Variants in DTNB observed in about 807,000 individuals in gnomAD.
DTNB encodes the protein dystrobrevin beta, also known as DTN-B.
Under a neutral mutation model 90.7 loss-of-function variants are expected in DTNB, and 63 were observed. The observed-to-expected ratio is 0.69, with a 90% CI of 0.57 to 0.86. The LOEUF is 0.86. Ranked by LOEUF, DTNB falls within the 40% of genes least tolerant of loss-of-function variation. The pLI, the probability that DTNB is intolerant of heterozygous loss-of-function variation, is 0.00. For missense variants in DTNB, 744 were observed against 807.1 expected, an observed-to-expected ratio of 0.92 and a Z score of 0.95; for synonymous variants, 277 against 286.7, an observed-to-expected ratio of 0.97 and a Z score of 0.34.
At chr2:25,410,932 TTC>T (rs1047031972) in intron 16 of DTNB, among the ~76,000 whole-genome samples, 10 of 148,144 alleles carry the variant, frequency 6.8e-5, no homozygotes, top group Non-Finnish European at 1.1e-4. Context: ...GAACTGCCTT[TTC>T]TTTTTTTTTT....
intron 8 of DTNB, among the ~76,000 whole-genome samples, chr2:25,572,660 GT>G (rs76776701): frequency 4.5e-4 from 62 of 138,952 alleles, no homozygotes; most frequent in South Asian, 9.3e-4. Flanking sequence ...GAGGTTTTTT[GT>G]TTTTTTTTTT....
At chr2:25,456,308 G>A (rs1313857788) in intron 10 of DTNB, among the ~76,000 whole-genome samples, 2 of 152,048 alleles carry the variant, frequency 1.3e-5, no homozygotes, top group Non-Finnish European at 2.9e-5. Flanking sequence ...CAAACCCCAG[G>A]CAATTATTTC....
rs538241650 is a variant in DTNB at position 25,479,415 on chromosome 2, A to C, written c.1079+3381T>G. ...AGGGGTATTTTAAGCCTATGTTTTAAAGCCTTGAAAAGTTTTTTCTTGTTT... is the reference window on the plus strand; with the variant it reads ...AGGGGTATTTTAAGCCTATGTTTTACAGCCTTGAAAAGTTTTTTCTTGTTT... On this transcript the variant is annotated intron_variant, in intron 10 of 20. Coordinates refer to ENST00000406818, the MANE Select transcript of DTNB (RefSeq NM_021907.5). Among the ~76,000 whole-genome samples the C allele has an allele frequency of 1.2e-3, 183 of 152,294 alleles. 1 individual carries two copies. Among genetic ancestry groups the C allele is most frequent in the African/African-American group, 4.4e-3 (182 of 41,550 alleles).
intron 10 of DTNB, among the ~76,000 whole-genome samples, chr2:25,476,103 T>C (rs1022982667): frequency 1.3e-5 from 2 of 150,608 alleles, no homozygotes; most frequent in African/African-American, 4.9e-5. Context: ...AGTTTCGCTC[T>C]TGTCACCTAG....
intron 16 of DTNB, among the ~76,000 whole-genome samples, chr2:25,395,257 G>A (rs2042096366): frequency 6.6e-6 from 1 of 152,018 alleles, no homozygotes; most frequent in Non-Finnish European, 1.5e-5. Context: ...AAGGATAAAA[G>A]ACTACACATG....
At chr2:25,416,844 G>GGAAA (rs1231826633) in intron 16 of DTNB, among the ~76,000 whole-genome samples, 2 of 151,588 alleles carry the variant, frequency 1.3e-5, no homozygotes, top group Admixed American at 6.6e-5. Context: ...AAGGAAGGAA[G>GGAAA]GAAGGGTGGT....
At chr2:25,523,978 C>T (rs1201475980) in intron 9 of DTNB, among the ~76,000 whole-genome samples, 4 of 150,828 alleles carry the variant, frequency 2.7e-5, no homozygotes, top group East Asian at 3.9e-4. Context: ...CTTGGCTCAC[C>T]GCAACCTCCA....
chr2:25,596,313 T>A lies in DTNB; in HGVS notation c.449-73A>T, dbSNP rs150442591. On this transcript the variant is annotated intron_variant, in intron 5 of 20. Coordinates refer to ENST00000406818, the MANE Select transcript of DTNB (RefSeq NM_021907.5). ...TTTTTATAAATGGCTCTATGTCATT[T>A]GTATACCAAACAAAAAGTATCATTA... is the stretch of plus-strand genomic sequence containing the variant. The A allele has an allele frequency of 1.1e-3, 1,519 of 1,443,874 alleles. 22 individuals are homozygous for A. The African/African-American group carries it at 0.02, about 19-fold the overall frequency. The allele number at this position is 1,443,874 out of a possible 1,614,324, so 89.4% of individuals were successfully genotyped here. A position where few individuals can be genotyped will look rare whatever the true frequency, so the allele number is the denominator to read the frequency against.
At position 25,570,406 on chromosome 2, in the gene DTNB, C is replaced by CAAAAAAAAAAA. The variant is rs146251976; in HGVS notation, c.876+6421_876+6431dup. 4.4e-5 allele frequency among the ~76,000 whole-genome samples: 4 copies of CAAAAAAAAAAA among 89,910 alleles called. 1 individual carries two copies. The highest frequency in any genetic ancestry group is 6.9e-4 in the East Asian group (2 of 2,888). 59.0% of individuals were successfully genotyped at this position (89,910 alleles called of 152,430 possible). A position where few individuals can be genotyped will look rare whatever the true frequency, so the allele number is the denominator to read the frequency against. Reference sequence around the variant, plus strand: ...TGGACAATAGAGTGGTTTCCTGTCTCAAAAAAAAAAAAAAAAAAAAAAAAA... The same window carrying CAAAAAAAAAAA: ...TGGACAATAGAGTGGTTTCCTGTCTCAAAAAAAAAAAAAAAAAAAAAAAAAAAAAAAAAAAA... On this transcript the variant is annotated intron_variant, in intron 8 of 20. Coordinates refer to ENST00000406818, the MANE Select transcript of DTNB (RefSeq NM_021907.5).
intron 7 of DTNB, among the ~76,000 whole-genome samples, chr2:25,578,518 G>C (rs1203626515): frequency 3.3e-5 from 5 of 152,146 alleles, no homozygotes; most frequent in African/African-American, 1.2e-4. Flanking sequence ...AATACATTCT[G>C]ATAATTTTGG....
chr2:25,379,674 G>C (rs2037004158), intron 19 of DTNB: 2 of 267,004 alleles, frequency 7.5e-6, no homozygotes, highest in Non-Finnish European at 1.4e-5. Flanking sequence ...CTTGAGTGAG[G>C]GCGGTCCCCC....
intron 9 of DTNB, among the ~76,000 whole-genome samples, chr2:25,526,395 A>ATATATATATATATATATATATTTTT: frequency 2.0e-5 from 1 of 49,828 alleles, no homozygotes; most frequent in Non-Finnish European, 3.4e-5. Flanking sequence ...ATATATATAT[A>ATATATATATATATATATATATTTTT]TTTTTTTTTT....
At chr2:25,446,307 G>A (rs1336244139) in intron 12 of DTNB, among the ~76,000 whole-genome samples, 1 of 152,212 alleles carries the variant, frequency 6.6e-6, no homozygotes. Flanking sequence ...CATGATCACA[G>A]TTCACTGCAA....
intron 8 of DTNB, among the ~76,000 whole-genome samples, chr2:25,574,542 GTTAAACACACAC>G (rs1366986689): frequency 3.3e-5 from 5 of 152,148 alleles, no homozygotes; most frequent in African/African-American, 1.2e-4. Flanking sequence ...ATACTAGCTG[GTTAAACACACAC>G]TTAAACTCAC....
intron 11 of DTNB, 122 bp from the exon 12 acceptor site, chr2:25,451,757 T>A (rs1445063977): frequency 3.2e-6 from 3 of 947,446 alleles, no homozygotes; most frequent in South Asian, 2.7e-5. Flanking sequence ...ACTAGAGGCC[T>A]GGGTCATAGA....
At chr2:25,423,142 A>C (rs577619725) in intron 15 of DTNB, among the ~76,000 whole-genome samples, 1 of 152,282 alleles carries the variant, frequency 6.6e-6, no homozygotes, top group Admixed American at 6.5e-5. Context: ...GGTTGCAGGG[A>C]GCCAAGATTG....
rs991277009 is a variant in DTNB at position 25,446,377 on chromosome 2, C to T, written c.1257+5171G>A. Among the ~76,000 whole-genome samples, 6 of 152,134 alleles carry T rather than the reference C, an allele frequency of 3.9e-5. No individual in the cohort carries two copies. The East Asian group carries it at 7.7e-4, about 20-fold the overall frequency. On this transcript the variant is annotated intron_variant, in intron 12 of 20. Transcript: ENST00000406818. ...TCAGCCTCCCAAGCAGCTGTGACTA[C>T]AGGCACATGCCACCACACCTGGCTA...
chr2:25,593,174 G>C (rs1035481793), intron 6 of DTNB, among the ~76,000 whole-genome samples: 2 of 152,166 alleles, frequency 1.3e-5, no homozygotes, highest in Non-Finnish European at 2.9e-5. Flanking sequence ...AGGATTTTCA[G>C]CTTCTTTCTT....
chr2:25,461,543 T>C (rs765373050), intron 10 of DTNB, among the ~76,000 whole-genome samples: 2 of 152,216 alleles, frequency 1.3e-5, no homozygotes, highest in Non-Finnish European at 2.9e-5. Context: ...TCAGATTTTT[T>C]TCCTATAAAA....
Sources: allele counts gnomAD v4.1 joint callset (sites outside exome capture counted in the v4.1 genomes callset), GRCh38; gene constraint gnomAD v4.1.1; transcripts MANE v1.5; gene names NCBI Gene and HGNC (gene_info 2026-07-23, HGNC 2026-07-21).